DAPK1: variants seen among roughly 807,000 people sequenced by gnomAD.
DAPK1 encodes death-associated protein kinase 1.
In DAPK1, 56 loss-of-function variants were observed where a neutral mutation model predicts 144.9. The ratio of observed to expected loss-of-function variants is 0.39; its 90% CI spans 0.31 to 0.48. The LOEUF is 0.48. Ranked by LOEUF, DAPK1 falls within the 20% of genes least tolerant of loss-of-function variation. The pLI is 0.95. For missense variants in DAPK1, 1,454 were observed against 1,875.4 expected (o/e 0.78, Z 4.15); for synonymous variants, 690 against 749.0 (o/e 0.92, Z 1.29).
At position 87,642,862 on chromosome 9, in the gene DAPK1, A is replaced by G. The variant is rs898838707; in HGVS notation, c.919-514A>G. On this transcript the variant is annotated intron_variant, in intron 10 of 25. Coordinates refer to ENST00000408954, the MANE Select transcript of DAPK1 (RefSeq NM_004938.4). ...CATTCTTTAACTGTACTTTTGCCTT[A>G]GAGAGTAAATGCAGAGATGTTTGTT... 9.2e-5 allele frequency among the ~76,000 whole-genome samples: 14 copies of G among 152,348 alleles called. No individual in the cohort carries two copies. The Middle Eastern group carries it at 0.01, about 111-fold the overall frequency.
In DAPK1 at chr9:87,706,939, G is replaced by A. The variant is rs202187758; in HGVS notation, c.3868G>A (p.Val1290Ile). 70 of 1,613,452 alleles carry A rather than the reference G, an allele frequency of 4.3e-5. No individual in the cohort carries two copies. The highest frequency in any genetic ancestry group is 5.5e-5 in the Non-Finnish European group (65 of 1,179,814). The change falls in exon 26 of 26, where the codon GTC becomes ATC. Residue 1290 changes from valine to isoleucine, a missense_variant. By Grantham distance (29) the Val-to-Ile change is conservative. Transcript: ENST00000408954. The surrounding 1 kb of genome is among the most constrained non-coding windows in gnomAD (Gnocchi z 9.0). ...SSIMCFGCHD[V>I]YSQASLGMDI... ...CATCATGTGCTTCGGGTGTCACGAC[G>A]TCTACTCACAGGCCAGCCTCGGCAT...
intron 2 of DAPK1, among the ~76,000 whole-genome samples, chr9:87,528,365 G>C (rs1399786111): frequency 6.6e-6 from 1 of 151,874 alleles, no homozygotes; most frequent in Admixed American, 6.6e-5. Context: ...TTACAGGTGT[G>C]CATCACCACT....
chr9:87,606,264 C>T (rs556497183), intron 3 of DAPK1, among the ~76,000 whole-genome samples: 2 of 152,270 alleles, frequency 1.3e-5, no homozygotes, highest in South Asian at 4.1e-4. Flanking sequence ...GCCTGCGGTC[C>T]CCACAGCATC....
intron 20 of DAPK1, among the ~76,000 whole-genome samples, chr9:87,682,539 G>T (rs577029809): frequency 1.3e-5 from 2 of 152,194 alleles, no homozygotes; most frequent in Non-Finnish European, 2.9e-5. Flanking sequence ...GAGGGAGGAC[G>T]CTGGGGAGCA....
At chr9:87,634,360 C>T (rs1029355541) in intron 3 of DAPK1, among the ~76,000 whole-genome samples, 8 of 152,146 alleles carry the variant, frequency 5.3e-5, no homozygotes, top group Non-Finnish European at 5.9e-5. Context: ...CTTCCTTGCT[C>T]GAGGCTCCTT....
chr9:87,605,087 A>C lies in DAPK1; in HGVS notation c.196A>C (p.Ser66Arg), dbSNP rs541641255. The change falls in exon 3 of 26, where the codon AGC (serine) becomes CGC (arginine). Residue 66 changes from serine (S) to arginine (R), a missense_variant. This residue lies in a region of DAPK1 where 429 missense variants were observed against 637.5 expected (regional missense o/e 0.67). Coordinates refer to ENST00000408954, the MANE Select transcript of DAPK1 (RefSeq NM_004938.4). The part of the protein sequence containing the change: ...VSREDIEREV[S>R]ILKEIQHPNV... ...CCGCGAGGACATCGAGCGGGAGGTCAGCATCCTGAAGGAGATCCAGCACCC... is the reference window on the plus strand; with the variant it reads ...CCGCGAGGACATCGAGCGGGAGGTCCGCATCCTGAAGGAGATCCAGCACCC... The C allele has an allele frequency of 6.2e-7, 1 of 1,614,242 alleles. No individual in the cohort carries two copies. The highest frequency in any genetic ancestry group is 1.1e-5 in the South Asian group (1 of 91,078).
chr9:87,606,312 G>T lies in DAPK1; in HGVS notation c.284+1137G>T, dbSNP rs141324267. Among the ~76,000 whole-genome samples the T allele has an allele frequency of 2.6e-3, 393 of 152,224 alleles. 1 individual carries two copies. Among genetic ancestry groups the T allele is most frequent in the African/African-American group, 8.8e-3 (365 of 41,530 alleles). ...TGGGATTTGGGCACATTTCTTTATG[G>T]GTCTCAGCTACAAATTTCTTAACCA... is the stretch of plus-strand genomic sequence containing the variant. On this transcript the variant is annotated intron_variant, in intron 3 of 25. Transcript: ENST00000408954.
chr9:87,536,083 T>G (rs1341282185), intron 2 of DAPK1, among the ~76,000 whole-genome samples: 1 of 152,238 alleles, frequency 6.6e-6, no homozygotes, highest in Non-Finnish European at 1.5e-5. Flanking sequence ...ATGTTCTTTC[T>G]TGTTTTCTAA....
intron 2 of DAPK1, among the ~76,000 whole-genome samples, chr9:87,547,699 G>A (rs920059889): frequency 3.3e-5 from 5 of 152,042 alleles, no homozygotes; most frequent in African/African-American, 1.2e-4. Context: ...GTCGGGGCAG[G>A]GGTGGGGGTG....
intron 19 of DAPK1, among the ~76,000 whole-genome samples, chr9:87,677,657 CTG>C (rs1376433403): frequency 6.6e-6 from 1 of 152,216 alleles, no homozygotes; most frequent in Non-Finnish European, 1.5e-5. Context: ...CCAAGAATCT[CTG>C]TGTGGCAGGA....
chr9:87,514,869 C>A (rs937770640), intron 2 of DAPK1, among the ~76,000 whole-genome samples: 3 of 152,180 alleles, frequency 2.0e-5, no homozygotes, highest in Non-Finnish European at 4.4e-5. Context: ...GAAAATACAG[C>A]TTTTGTCTAT....
At chr9:87,593,486 T>C (rs1408441613) in intron 2 of DAPK1, among the ~76,000 whole-genome samples, 1 of 152,232 alleles carries the variant, frequency 6.6e-6, no homozygotes, top group Non-Finnish European at 1.5e-5. Flanking sequence ...AGGGTGAATA[T>C]TGGAGGAGAG....
chr9:87,612,455 A>C (rs1828963084), intron 3 of DAPK1, among the ~76,000 whole-genome samples: 1 of 152,172 alleles, frequency 6.6e-6, no homozygotes, highest in South Asian at 2.1e-4. Context: ...GAGCAGATTC[A>C]TCCTCAGATC....
chr9:87,542,966 A>G (rs1283110891), intron 2 of DAPK1, among the ~76,000 whole-genome samples: 1 of 152,246 alleles, frequency 6.6e-6, no homozygotes, highest in Non-Finnish European at 1.5e-5. Flanking sequence ...TTTACCATTA[A>G]TTAGCGTACT....
intron 2 of DAPK1, among the ~76,000 whole-genome samples, chr9:87,572,097 C>T (rs1485818647): frequency 6.6e-6 from 1 of 152,224 alleles, no homozygotes; most frequent in African/African-American, 2.4e-5. Flanking sequence ...ACTCCCATCC[C>T]TCAGTGGTTC....
intron 3 of DAPK1, among the ~76,000 whole-genome samples, chr9:87,607,107 A>C (rs1828760950): frequency 1.3e-5 from 2 of 151,588 alleles, no homozygotes; most frequent in African/African-American, 4.9e-5. Flanking sequence ...ACAGAGCTTT[A>C]AGGGGCCAGG....
chr9:87,633,346 G>A, intron 3 of DAPK1: 1 of 985,134 alleles, frequency 1.0e-6, no homozygotes, highest in South Asian at 4.7e-5. Flanking sequence ...ATGAGTATAT[G>A]TGCGTATGGG....
At chr9:87,521,546 G>A (rs531899218) in intron 2 of DAPK1, among the ~76,000 whole-genome samples, 81 of 152,338 alleles carry the variant, frequency 5.3e-4, no homozygotes, top group South Asian at 4.1e-4. Context: ...ACCAGAGACC[G>A]TCTCCACTGT....
intron 24 of DAPK1, 98 bp from the exon 25 acceptor site, chr9:87,702,931 G>T: frequency 1.5e-6 from 1 of 650,612 alleles, no homozygotes; most frequent in South Asian, 2.0e-5. Flanking sequence ...CAAATCACCT[G>T]CAAGGCGCCT....
Sources: gnomAD v4.1 joint callset for allele counts (sites outside exome capture counted in the v4.1 genomes callset) on GRCh38, gnomAD v4.1.1 for gene constraint, gnomAD v4.1.1 regional missense constraint, Gnocchi (gnomAD v3.1) non-coding constraint, MANE v1.5 for transcripts, NCBI Gene and HGNC (gene_info 2026-07-23, HGNC 2026-07-21) for gene names.